The following PHKG2 variants were observed in gnomAD, a reference collection of about 807,000 sequenced individuals.
The protein encoded by PHKG2 is phosphorylase kinase catalytic subunit gamma 2.
A neutral mutation model predicts 44.5 loss-of-function variants in PHKG2; 28 were observed. That is an observed-to-expected ratio of 0.63 (90% CI 0.47 to 0.86). The LOEUF is 0.86. PHKG2 is among the 40% of genes least tolerant of loss of function. The pLI is 0.00. For synonymous variants in PHKG2, 220 were observed against 211.2 expected, an observed-to-expected ratio of 1.04 and a Z score of -0.36; for missense variants, 498 against 547.5, an observed-to-expected ratio of 0.91 and a Z score of 0.90.
At position 30,760,771 on chromosome 16, in the gene PHKG2, G is replaced by C. The variant is rs1292071477; in HGVS notation, c.*3674G>C. On this transcript the variant is annotated 3_prime_UTR_variant, in exon 10 of 10. Coordinates refer to ENST00000563588, the MANE Select transcript of PHKG2 (RefSeq NM_000294.3). ...GGGAGTTGGCCACCGGCGTGAAGCT[G>C]GGCTCTTTTGCCAGCTTGCTGTGTG... The C allele has an allele frequency of 9.6e-7, 1 of 1,041,898 alleles. No individual in the cohort carries two copies. The highest frequency in any genetic ancestry group is 2.6e-5 in the East Asian group (1 of 38,560). 64.5% of individuals were successfully genotyped at this position (1,041,898 alleles called of 1,614,324 possible).
chr16:30,748,806 C>T lies in PHKG2; in HGVS notation c.-15C>T, dbSNP rs1210930441. 12 of 1,547,270 alleles carry T rather than the reference C, an allele frequency of 7.8e-6. No homozygotes were observed. In the Admixed American group the frequency reaches 2.0e-4, roughly 25 times the overall value. On this transcript the variant is annotated 5_prime_UTR_variant, in exon 2 of 10. Transcript: ENST00000563588. ...ACTGCCCTCCTCCTCCGCGCAGGCCCCCGCCTCCTTCAGGATGACGCTGGA... is the reference window on the plus strand; with the variant it reads ...ACTGCCCTCCTCCTCCGCGCAGGCCTCCGCCTCCTTCAGGATGACGCTGGA...
At chr16:30,756,078 C>T (rs2053420836) in intron 6 of PHKG2, 104 bp from the exon 7 acceptor site, 6 of 883,494 alleles carry the variant, frequency 6.8e-6, no homozygotes, top group Admixed American at 3.4e-5. Context: ...AAGATGGGAA[C>T]ACTGGTAGTC....
chr16:30,760,666 T>G lies in PHKG2; in HGVS notation c.*3569T>G, dbSNP rs963317103. 1.3e-6 allele frequency: 2 copies of G among 1,539,242 alleles called. No individual in the cohort carries two copies. The highest frequency in any genetic ancestry group is 1.7e-6 in the Non-Finnish European group (2 of 1,145,816). ...GTGCATGGAATGGACGTCCAGGTAC[T>G]TCCTGTTATAGTAAAAGAAAAAGAG... On this transcript the variant is annotated 3_prime_UTR_variant, in exon 10 of 10. Transcript: ENST00000563588.
At position 30,757,618 on chromosome 16, in the gene PHKG2, T is replaced by G; in HGVS notation, c.*521T>G. 6.2e-7 allele frequency: 1 copy of G among 1,614,002 alleles called. No homozygotes were observed. The highest frequency in any genetic ancestry group is 8.5e-7 in the Non-Finnish European group (1 of 1,179,906). ...GAGCTGCTCCAGCTCTTTGTTCACTTGGGTCTTGATGTAGGCTCGGAGGAC... is the reference window on the plus strand; with the variant it reads ...GAGCTGCTCCAGCTCTTTGTTCACTGGGGTCTTGATGTAGGCTCGGAGGAC... On this transcript the variant is annotated 3_prime_UTR_variant, in exon 10 of 10. Coordinates refer to ENST00000563588, the MANE Select transcript of PHKG2 (RefSeq NM_000294.3).
In PHKG2 at chr16:30,759,914, G is replaced by C. The variant is rs2053631421; in HGVS notation, c.*2817G>C. ...TGCCCACTGTATGGTTTTCGGCACT[G>C]AACAAGACAGACAAGGTCCTGCCCT... On this transcript the variant is annotated 3_prime_UTR_variant, in exon 10 of 10. Coordinates refer to ENST00000563588, the MANE Select transcript of PHKG2 (RefSeq NM_000294.3). 2.1e-6 allele frequency: 3 copies of C among 1,440,534 alleles called. No individual in the cohort carries two copies. Among genetic ancestry groups the C allele is most frequent in the African/African-American group, 1.4e-5 (1 of 69,770 alleles). 89.2% of individuals were successfully genotyped at this position (1,440,534 alleles called of 1,614,324 possible).
chr16:30,750,228 A>G (rs550743581), intron 2 of PHKG2, among the ~76,000 whole-genome samples: 5 of 152,242 alleles, frequency 3.3e-5, no homozygotes, highest in Middle Eastern at 3.4e-3. Flanking sequence ...AAAAAATTGC[A>G]CCGGCCAAAA....
chr16:30,749,124 CTGG>C (rs1211223555), intron 2 of PHKG2, among the ~76,000 whole-genome samples: 948 of 7,446 alleles, frequency 0.13, 176 homozygotes, highest in Non-Finnish European at 0.21. Context: ...GGTGCTGGTG[CTGG>C]TGGTGGTGGT....
intron 6 of PHKG2, among the ~76,000 whole-genome samples, chr16:30,755,426 C>T (rs745559508): frequency 6.6e-6 from 1 of 152,092 alleles, no homozygotes; most frequent in Non-Finnish European, 1.5e-5. Context: ...GCCTGTAATC[C>T]CAGCACTTTG....
intron 2 of PHKG2, among the ~76,000 whole-genome samples, chr16:30,750,054 G>T (rs1431853810): frequency 1.3e-5 from 2 of 152,070 alleles, no homozygotes; most frequent in African/African-American, 4.8e-5. Flanking sequence ...ATTAAAGCTG[G>T]GTCATAATTA....
chr16:30,757,397 G>A lies in PHKG2; in HGVS notation c.*300G>A, dbSNP rs1455236600. ...TCCTGTGTCTGTCTGGCTTGGGCAGGAAAGCCCAGAAGGTGCTCAGCAGGG... is the reference window on the plus strand; with the variant it reads ...TCCTGTGTCTGTCTGGCTTGGGCAGAAAAGCCCAGAAGGTGCTCAGCAGGG... On this transcript the variant is annotated 3_prime_UTR_variant, in exon 10 of 10. Transcript: ENST00000563588. The A allele has an allele frequency of 1.3e-6, 2 of 1,548,628 alleles. No homozygotes were observed.
Position 30,758,072 on chromosome 16 carries a change from CTT to C in PHKG2, c.*991_*992del, listed in dbSNP as rs374158229. 828 of 140,112 alleles carry C rather than the reference CTT, an allele frequency of 5.9e-3. 2 individuals are homozygous for C. Among genetic ancestry groups the C allele is most frequent in the East Asian group, 0.026 (127 of 4,886 alleles). The allele number at this position is 140,112 out of a possible 1,614,324, so 8.7% of individuals were successfully genotyped here. A position where few individuals can be genotyped will look rare whatever the true frequency, so the allele number is the denominator to read the frequency against. Reference sequence around the variant, plus strand: ...TGGCTGTTATTGTCATTGGCTTTCTCTTTTTTTTTTTTTTTTTGAGATGGAGT... The same window carrying C: ...TGGCTGTTATTGTCATTGGCTTTCTCTTTTTTTTTTTTTTTGAGATGGAGT... On this transcript the variant is annotated 3_prime_UTR_variant, in exon 10 of 10. Transcript: ENST00000563588.
rs746634571 is a variant in PHKG2, at chr16:30,759,429, T to C, written c.*2332T>C. On this transcript the variant is annotated 3_prime_UTR_variant, in exon 10 of 10. Transcript: ENST00000563588. ...CTTCCAAGGCCAGCAGCTGTTCCTC[T>C]TTGAAGAGGTCGATGCTGAAAGGAG... 2 of 1,614,216 alleles carry C rather than the reference T, an allele frequency of 1.2e-6. No homozygotes were observed. The highest frequency in any genetic ancestry group is 1.1e-5 in the South Asian group (1 of 91,084).
In PHKG2 at chr16:30,757,063, T is replaced by A. The variant is rs866682996; in HGVS notation, c.1187T>A (p.Ile396Lys). The change falls in exon 10 of 10, where the codon ATA becomes AAA. Residue 396 changes from isoleucine (I) to lysine (K), a missense_variant. Physicochemically the swap from Ile to Lys is moderately radical, Grantham distance 102. Transcript: ENST00000563588. The stretch of plus-strand genomic sequence containing the variant: ...GAAGAGGAGGGAGACTCTGCTGCTA[T>A]AACTGAGGATGAGGCCGTGCTTGTG... ...GPEEEGDSAA[I>K]TEDEAVLVLG 5 of 1,613,292 alleles carry A rather than the reference T, an allele frequency of 3.1e-6. No homozygotes were observed. In the Middle Eastern group the frequency reaches 8.3e-4, roughly 266 times the overall value.
chr16:30,753,282 C>G lies in PHKG2; in HGVS notation c.377C>G (p.Ser126Cys). The change falls in exon 5 of 10, where the codon TCT becomes TGT. Residue 126 changes from serine to cysteine, a missense_variant. Ser to Cys is a moderately radical substitution (Grantham distance 112). Coordinates refer to ENST00000563588, the MANE Select transcript of PHKG2 (RefSeq NM_000294.3). ...FDYLTEKVAL[S>C]EKETRSIMRS... ...TATCTCACAGAGAAGGTGGCCCTCT[C>G]TGAAAAGGAAACCAGGTAAGGGTTG... The G allele has an allele frequency of 6.2e-7, 1 of 1,614,084 alleles. No homozygotes were observed.
chr16:30,760,609 C>T lies in PHKG2; in HGVS notation c.*3512C>T. On this transcript the variant is annotated 3_prime_UTR_variant, in exon 10 of 10. Coordinates refer to ENST00000563588, the MANE Select transcript of PHKG2 (RefSeq NM_000294.3). The stretch of plus-strand genomic sequence containing the variant: ...CCACGCCCCCCTCAGTCCCTACTCC[C>T]TCATCTCAGCATTGGTGGTCTTCTC... The T allele has an allele frequency of 1.9e-6, 3 of 1,558,386 alleles. No individual in the cohort carries two copies. The highest frequency in any genetic ancestry group is 2.6e-6 in the Non-Finnish European group (3 of 1,150,346).
chr16:30,755,655 G>A (rs1032574657), intron 6 of PHKG2, among the ~76,000 whole-genome samples: 2 of 151,908 alleles, frequency 1.3e-5, no homozygotes, highest in Non-Finnish European at 2.9e-5. Flanking sequence ...CAGACTAGGC[G>A]ACAGGGCAAG....
Position 30,757,351 on chromosome 16 carries a change from A to G in PHKG2, c.*254A>G, listed in dbSNP as rs191968602. Reference sequence around the variant, plus strand: ...CACTGCATATGAAATAAAATCTGCTACACGCCAGGGAGAACAGGTGTCCTG... The same window carrying G: ...CACTGCATATGAAATAAAATCTGCTGCACGCCAGGGAGAACAGGTGTCCTG... On this transcript the variant is annotated 3_prime_UTR_variant, in exon 10 of 10. Transcript: ENST00000563588. 4.0e-5 allele frequency: 62 copies of G among 1,531,930 alleles called. 1 individual carries two copies. The Admixed American group carries it at 8.2e-4, about 20-fold the overall frequency. 94.9% of individuals were successfully genotyped at this position (1,531,930 alleles called of 1,614,324 possible).
In PHKG2 at chr16:30,756,289, C is replaced by T; in HGVS notation, c.647+17C>T. ...GGTCGACCTGTGAGTTCCTGGTCTCCCCCTCCCTCCCGTGCTTGCTGTCCT... is the reference window on the plus strand; with the variant it reads ...GGTCGACCTGTGAGTTCCTGGTCTCTCCCTCCCTCCCGTGCTTGCTGTCCT... On this transcript the variant is annotated intron_variant, in intron 7 of 9. Coordinates refer to ENST00000563588, the MANE Select transcript of PHKG2 (RefSeq NM_000294.3). 1.2e-6 allele frequency: 2 copies of T among 1,613,890 alleles called. No homozygotes were observed. The highest frequency in any genetic ancestry group is 1.7e-6 in the Non-Finnish European group (2 of 1,179,800).
rs1315305239 is a variant in PHKG2, at chr16:30,760,476, G to C, written c.*3379G>C. 3 of 1,613,108 alleles carry C rather than the reference G, an allele frequency of 1.9e-6. No individual in the cohort carries two copies. The highest frequency in any genetic ancestry group is 2.5e-6 in the Non-Finnish European group (3 of 1,179,312). ...ACCCTTGGGAGGGAGAGAGGAGTGA[G>C]TGACAACTGGGCCTCCTTTCATCAC... On this transcript the variant is annotated 3_prime_UTR_variant, in exon 10 of 10. Coordinates refer to ENST00000563588, the MANE Select transcript of PHKG2 (RefSeq NM_000294.3).
Sources: allele counts gnomAD v4.1 joint callset (sites outside exome capture counted in the v4.1 genomes callset), GRCh38; gene constraint gnomAD v4.1.1; transcripts MANE v1.5; gene names NCBI Gene and HGNC (gene_info 2026-07-23, HGNC 2026-07-21).